TMC2: variants seen among roughly 807,000 people sequenced by gnomAD.
TMC2 encodes transmembrane channel like 2.
A neutral mutation model predicts 105.9 loss-of-function variants in TMC2; 102 were observed. The ratio of observed to expected loss-of-function variants is 0.96; its 90% confidence interval spans 0.82 to 1.14. TMC2 has a LOEUF of 1.14. Ranked by LOEUF, TMC2 falls within the 50% of genes most tolerant of loss-of-function variation. The pLI is 0.00. For synonymous variants in TMC2, 402 were observed against 422.8 expected, an observed-to-expected ratio of 0.95 and a Z score of 0.60; for missense variants, 1,093 against 1,134.3, an observed-to-expected ratio of 0.96 and a Z score of 0.52.
intron 19 of TMC2, among the ~76,000 whole-genome samples, chr20:2,638,263 C>T (rs1039951174): frequency 6.6e-6 from 1 of 151,660 alleles, no homozygotes; most frequent in African/African-American, 2.4e-5. Context: ...ATGGTGTGAA[C>T]CCGGGAGGCG....
At chr20:2,578,640 G>T (rs1425320025) in intron 5 of TMC2, among the ~76,000 whole-genome samples, 5 of 152,220 alleles carry the variant, frequency 3.3e-5, no homozygotes, top group African/African-American at 1.2e-4. Context: ...CCCAGGAGAA[G>T]AATGTTCAGC....
chr20:2,603,588 T>C (rs2086367204), intron 11 of TMC2, among the ~76,000 whole-genome samples: 1 of 152,228 alleles, frequency 6.6e-6, no homozygotes, highest in Non-Finnish European at 1.5e-5. Context: ...CAGTGGTTTC[T>C]GCTAGTGGTG....
At position 2,616,155 on chromosome 20, in the gene TMC2, G is replaced by A; in HGVS notation, c.1891G>A (p.Asp631Asn). 6.2e-7 allele frequency: 1 copy of A among 1,613,010 alleles called. No individual in the cohort carries two copies. Among genetic ancestry groups the A allele is most frequent in the East Asian group, 2.2e-5 (1 of 44,860 alleles). The change falls in exon 15 of 20, where the codon GAT becomes AAT. Residue 631 changes from aspartate to asparagine, a missense_variant. Physicochemically the swap from Asp to Asn is conservative, Grantham distance 23. Coordinates refer to ENST00000358864, the MANE Select transcript of TMC2 (RefSeq NM_080751.3). The surrounding 1 kb of genome is among the most constrained non-coding windows in gnomAD (Gnocchi z 4.8). Reference protein sequence around the residue: ...EAGFPSYAEFDISGNVLGLIF... With the variant: ...EAGFPSYAEFNISGNVLGLIF... The stretch of plus-strand genomic sequence containing the variant: ...TCTCTAGCCTTCATATGCTGAGTTT[G>A]ATATTAGTGGAAATGTGCTGGGTTT...
intron 2 of TMC2, among the ~76,000 whole-genome samples, chr20:2,540,957 A>G (rs1381124468): frequency 1.3e-5 from 2 of 151,982 alleles, no homozygotes; most frequent in East Asian, 1.9e-4. Flanking sequence ...CCACACCAGA[A>G]CACACCCGGG....
chr20:2,562,940 T>A (rs1379807096), intron 4 of TMC2, among the ~76,000 whole-genome samples: 1 of 151,634 alleles, frequency 6.6e-6, no homozygotes, highest in Non-Finnish European at 1.5e-5. Flanking sequence ...AGGGAGACTC[T>A]GTATCAAAAA....
intron 17 of TMC2, among the ~76,000 whole-genome samples, chr20:2,624,962 A>G (rs916160372): frequency 1.3e-5 from 2 of 152,208 alleles, no homozygotes; most frequent in Non-Finnish European, 2.9e-5. Flanking sequence ...AGCAGCTTAT[A>G]CACTGGAACA....
chr20:2,563,014 T>TA (rs1352364840), intron 4 of TMC2, among the ~76,000 whole-genome samples: 2 of 152,138 alleles, frequency 1.3e-5, no homozygotes, highest in Non-Finnish European at 2.9e-5. Flanking sequence ...GAGTTTCTGC[T>TA]AAAAAGTTCC....
intron 19 of TMC2, 144 bp from the exon 20 acceptor site, chr20:2,640,990 G>C (rs1015644303): frequency 1.4e-6 from 1 of 693,580 alleles, no homozygotes; most frequent in African/African-American, 1.8e-5. Flanking sequence ...AGGTGACCCC[G>C]AGACAGCTGA....
rs541107495 is a variant in TMC2 at position 2,582,624 on chromosome 20, C to T, written c.834+2568C>T. ...CCAAGTAGCTGGGATTACAGGCACGCACCACCAGACCCGGCTAGTTTTTGT... is the reference window on the plus strand; with the variant it reads ...CCAAGTAGCTGGGATTACAGGCACGTACCACCAGACCCGGCTAGTTTTTGT... On this transcript the variant is annotated intron_variant, in intron 7 of 19. Transcript: ENST00000358864. 4.6e-4 allele frequency among the ~76,000 whole-genome samples: 70 copies of T among 152,076 alleles called. No homozygotes were observed. The Middle Eastern group carries it at 0.01, about 22-fold the overall frequency.
chr20:2,604,435 T>C (rs1366101825), intron 11 of TMC2, among the ~76,000 whole-genome samples: 2 of 152,220 alleles, frequency 1.3e-5, no homozygotes, highest in East Asian at 3.8e-4. Flanking sequence ...GTGACTCTAT[T>C]TTGAGACATT....
intron 4 of TMC2, among the ~76,000 whole-genome samples, 184 bp downstream of exon 4, chr20:2,562,194 C>T (rs1056036877): frequency 6.6e-6 from 1 of 152,250 alleles, no homozygotes; most frequent in Non-Finnish European, 1.5e-5. Flanking sequence ...ACCACAGGGC[C>T]TAGAGGGGGA....
intron 8 of TMC2, among the ~76,000 whole-genome samples, chr20:2,593,919 T>TACCCC (rs2086286015): frequency 6.6e-6 from 1 of 152,196 alleles, no homozygotes; most frequent in Admixed American, 6.5e-5. Flanking sequence ...CCTCACACTT[T>TACCCC]AGTGCCCCAA....
chr20:2,556,586 G>C (rs1294228225), intron 2 of TMC2, among the ~76,000 whole-genome samples: 2 of 152,048 alleles, frequency 1.3e-5, no homozygotes, highest in East Asian at 3.9e-4. Flanking sequence ...GCCTGGGCAA[G>C]ATAGTGATAC....
intron 6 of TMC2, 111 bp downstream of exon 6, chr20:2,579,338 T>C: frequency 2.1e-6 from 1 of 477,864 alleles, no homozygotes; most frequent in South Asian, 4.4e-5. Context: ...TTCTGTTGTA[T>C]TAGGAAAAAA....
At chr20:2,586,197 G>A (rs2086230692) in intron 7 of TMC2, among the ~76,000 whole-genome samples, 1 of 152,184 alleles carries the variant, frequency 6.6e-6, no homozygotes, top group Admixed American at 6.5e-5. Context: ...CTCCATGGGG[G>A]TAGCTCTTTA....
intron 2 of TMC2, among the ~76,000 whole-genome samples, chr20:2,543,823 G>T (rs371176688): frequency 6.6e-6 from 1 of 151,894 alleles, no homozygotes; most frequent in Admixed American, 6.6e-5. Flanking sequence ...TATTTGAGAG[G>T]TCATCATTTC....
chr20:2,545,945 AG>A (rs2085923957), intron 2 of TMC2, among the ~76,000 whole-genome samples: 1 of 151,212 alleles, frequency 6.6e-6, no homozygotes, highest in Non-Finnish European at 1.5e-5. Context: ...AAGAAAAGAA[AG>A]GGAGGAAAAA....
chr20:2,600,200 G>C (rs559649206), intron 10 of TMC2, among the ~76,000 whole-genome samples: 9 of 152,294 alleles, frequency 5.9e-5, no homozygotes, highest in Middle Eastern at 6.8e-3. Flanking sequence ...GACTTCTTTT[G>C]TAAGTTTATT....
intron 2 of TMC2, among the ~76,000 whole-genome samples, chr20:2,547,562 T>G (rs2085932748): frequency 1.3e-5 from 2 of 152,206 alleles, no homozygotes; most frequent in African/African-American, 4.8e-5. Flanking sequence ...GTATTTTAAA[T>G]AAGGTGAAAG....
Sources: gnomAD v4.1 joint callset for allele counts (sites outside exome capture counted in the v4.1 genomes callset) on GRCh38, gnomAD v4.1.1 for gene constraint, Gnocchi (gnomAD v3.1) non-coding constraint, MANE v1.5 for transcripts, NCBI Gene and HGNC (gene_info 2026-07-23, HGNC 2026-07-21) for gene names.